VWA5B1: variants seen among roughly 807,000 people sequenced by gnomAD.
VWA5B1 encodes von Willebrand factor A domain-containing protein 5B1.
Under a neutral mutation model 118.2 loss-of-function variants are expected in VWA5B1, and 115 were observed. The observed-to-expected ratio is 0.97, with a 90% CI of 0.84 to 1.14. The LOEUF is 1.14. Ranked by LOEUF, VWA5B1 falls within the 50% of genes most tolerant of loss-of-function variation. The pLI, the probability that VWA5B1 is intolerant of heterozygous loss-of-function variation, is 0.00. For missense variants in VWA5B1, 1,596 were observed against 1,603.8 expected (o/e 1.00, Z 0.08); for synonymous variants, 682 against 658.4 (o/e 1.04, Z -0.55).
chr1:20,328,828 A>G (rs554534239), intron 9 of VWA5B1, among the ~76,000 whole-genome samples: 1 of 152,154 alleles, frequency 6.6e-6, no homozygotes, highest in Non-Finnish European at 1.5e-5. Context: ...AATTTTTTTT[A>G]AAAAATCTCC....
At chr1:20,351,056 G>T in intron 20 of VWA5B1, 130 bp downstream of exon 20, 1 of 837,432 alleles carries the variant, frequency 1.2e-6, no homozygotes. Flanking sequence ...TCGTAAAGAA[G>T]GCACTCCTGC....
intron 14 of VWA5B1, among the ~76,000 whole-genome samples, chr1:20,339,724 C>G (rs1248257549): frequency 1.3e-5 from 2 of 151,806 alleles, no homozygotes; most frequent in African/African-American, 2.4e-5. Flanking sequence ...AGGGTAGGGA[C>G]ACTGCAATCT....
At chr1:20,346,794 C>T (rs1483189014) in intron 17 of VWA5B1, among the ~76,000 whole-genome samples, 1 of 151,980 alleles carries the variant, frequency 6.6e-6, no homozygotes, top group African/African-American at 2.4e-5. Context: ...TTATGGTCAC[C>T]CCTCCCCTGC....
At chr1:20,347,752 C>G (rs896738470) in intron 17 of VWA5B1, among the ~76,000 whole-genome samples, 105 of 152,058 alleles carry the variant, frequency 6.9e-4, no homozygotes, top group African/African-American at 2.4e-3. Context: ...CATGAACCAC[C>G]CTGCCCAGCC....
chr1:20,308,843 C>T (rs2088751926), intron 1 of VWA5B1, among the ~76,000 whole-genome samples: 2 of 152,200 alleles, frequency 1.3e-5, no homozygotes, highest in African/African-American at 2.4e-5. Context: ...CAGGGGGAAA[C>T]AGTCCCTTCT....
chr1:20,314,372 G>A lies in VWA5B1; in HGVS notation c.343G>A (p.Gly115Arg). The change falls in exon 4 of 22, where the codon GGA becomes AGA. Residue 115 changes from glycine to arginine, a missense_variant. Gly to Arg is a moderately radical substitution (Grantham distance 125). Transcript: ENST00000289815. ...VSIAPHSCTPGKVTLDEDLER... is the reference protein window; with the variant it reads ...VSIAPHSCTPRKVTLDEDLER... ...CATAGCCCCTCATTCCTGCACACCG[G>A]GAAAGGTGACCTTGGACGAGGATTT... The A allele has an allele frequency of 6.4e-7, 1 of 1,552,014 alleles. No individual in the cohort carries two copies. Among genetic ancestry groups the A allele is most frequent in the Non-Finnish European group, 8.7e-7 (1 of 1,147,062 alleles).
At chr1:20,317,448 A>G in intron 4 of VWA5B1, 82 bp from the exon 5 acceptor site, 1 of 1,500,028 alleles carries the variant, frequency 6.7e-7, no homozygotes, top group African/African-American at 1.4e-5. Context: ...CCTGGAACTC[A>G]TCGTCCTCTC....
Position 20,291,165 on chromosome 1 carries a change from A to ACTGTGT in VWA5B1, c.-27+77_-27+78insCTGTGT, listed in dbSNP as rs1553192684. Reference sequence around the variant, plus strand: ...CTCTGGGTGGGCAAGGGCATGCATGAGTGTGTGTGTGTATGTGTGTGTGTG... The same window carrying ACTGTGT: ...CTCTGGGTGGGCAAGGGCATGCATGACTGTGTGTGTGTGTGTGTATGTGTGTGTGTG... On this transcript the variant is annotated intron_variant, in intron 1 of 21. Coordinates refer to ENST00000289815, the MANE Select transcript of VWA5B1 (RefSeq NM_001039500.3). 188 of 134,956 alleles carry ACTGTGT rather than the reference A, an allele frequency of 1.4e-3. 1 individual carries two copies. The highest frequency in any genetic ancestry group is 2.1e-3 in the Non-Finnish European group (141 of 66,644). The allele number at this position is 134,956 out of a possible 1,614,324, so 8.4% of individuals were successfully genotyped here. A position where few individuals can be genotyped will look rare whatever the true frequency, so the allele number is the denominator to read the frequency against.
chr1:20,321,047 G>A (rs1198734218), intron 7 of VWA5B1, among the ~76,000 whole-genome samples: 2 of 149,712 alleles, frequency 1.3e-5, no homozygotes, highest in African/African-American at 2.5e-5. Context: ...GTTTAGCAAG[G>A]AGAGGGTAGA....
In VWA5B1 at chr1:20,355,556, C is replaced by G. The variant is rs1226680951; in HGVS notation, c.*1293C>G. ...CTTCAAGGCCTTAATCTCTCCTCATCAAATTCCTGTCCCAACCTTGGAGTG... is the reference window on the plus strand; with the variant it reads ...CTTCAAGGCCTTAATCTCTCCTCATGAAATTCCTGTCCCAACCTTGGAGTG... On this transcript the variant is annotated 3_prime_UTR_variant, in exon 22 of 22. Coordinates refer to ENST00000289815, the MANE Select transcript of VWA5B1 (RefSeq NM_001039500.3). 6.6e-6 allele frequency among the ~76,000 whole-genome samples: 1 copy of G among 152,238 alleles called. No individual in the cohort carries two copies. The highest frequency in any genetic ancestry group is 1.5e-5 in the Non-Finnish European group (1 of 68,034).
intron 21 of VWA5B1, among the ~76,000 whole-genome samples, chr1:20,353,462 A>G (rs2090169022): frequency 6.6e-6 from 1 of 152,176 alleles, no homozygotes. Context: ...AGAAAGAGGA[A>G]GGTGAGCTGC....
In VWA5B1 at chr1:20,355,259, C is replaced by T. The variant is rs1312532464; in HGVS notation, c.*996C>T. Among the ~76,000 whole-genome samples, 1 of 152,198 alleles carries T rather than the reference C, an allele frequency of 6.6e-6. No individual in the cohort carries two copies. On this transcript the variant is annotated 3_prime_UTR_variant, in exon 22 of 22. Coordinates refer to ENST00000289815, the MANE Select transcript of VWA5B1 (RefSeq NM_001039500.3). Reference sequence around the variant, plus strand: ...TTGGCTGCAGTGCCTTTGGGGATGGCAGCTCTGGCCAGGGGAGGCCTGATT... The same window carrying T: ...TTGGCTGCAGTGCCTTTGGGGATGGTAGCTCTGGCCAGGGGAGGCCTGATT...
Position 20,300,393 on chromosome 1 carries a change from G to A in VWA5B1, c.-27+9305G>A, listed in dbSNP as rs530253376. ...GATGGGTGGCATGAATTCTCAAGGT[G>A]CACCTCCTCTTGTTGTTAGATAAAG... On this transcript the variant is annotated intron_variant, in intron 1 of 21. Coordinates refer to ENST00000289815, the MANE Select transcript of VWA5B1 (RefSeq NM_001039500.3). 4.6e-5 allele frequency among the ~76,000 whole-genome samples: 7 copies of A among 152,276 alleles called. No homozygotes were observed. In the South Asian group the frequency reaches 6.2e-4, roughly 14 times the overall value.
chr1:20,308,919 A>G (rs1213236651), intron 1 of VWA5B1, among the ~76,000 whole-genome samples: 2 of 152,166 alleles, frequency 1.3e-5, no homozygotes, highest in Non-Finnish European at 2.9e-5. Flanking sequence ...GCAGGCTACC[A>G]GCCCAGGGAA....
rs116705730 is a variant in VWA5B1, at chr1:20,353,777, C to T, written c.3162C>T (p.Ser1054=). The change falls in exon 22 of 22, where the codon TCC becomes TCT. Residue 1054 remains serine (S), a synonymous_variant. Transcript: ENST00000289815. ...YIPLVSLQLA[S]GAFLLNEAFC... is the part of the protein sequence containing the mutation. Reference sequence around the variant, plus strand: ...CACAGGTGTCTCTGCAGCTGGCCTCCGGAGCCTTCCTGCTCAACGAAGCCT... The same window carrying T: ...CACAGGTGTCTCTGCAGCTGGCCTCTGGAGCCTTCCTGCTCAACGAAGCCT... The T allele has an allele frequency of 4.5e-4, 662 of 1,462,804 alleles. 1 individual carries two copies. The African/African-American group carries it at 6.9e-3, about 15-fold the overall frequency. The allele number at this position is 1,462,804 out of a possible 1,614,324, so 90.6% of individuals were successfully genotyped here.
intron 12 of VWA5B1, among the ~76,000 whole-genome samples, chr1:20,335,252 C>T (rs948373075): frequency 6.6e-6 from 1 of 151,962 alleles, no homozygotes; most frequent in Admixed American, 6.5e-5. Flanking sequence ...GAGTTGGAGG[C>T]TGCAGTGAAC....
At chr1:20,311,737 G>A (rs371200196) in intron 2 of VWA5B1, among the ~76,000 whole-genome samples, 242 of 152,182 alleles carry the variant, frequency 1.6e-3, no homozygotes, top group African/African-American at 5.6e-3. Context: ...AACCTTTGGT[G>A]ACCAAACCTC....
chr1:20,314,278 A>C, intron 3 of VWA5B1, 44 bp from the exon 4 acceptor site: 1 of 1,536,568 alleles, frequency 6.5e-7, no homozygotes, highest in South Asian at 1.2e-5. Context: ...AGAGGGGATC[A>C]GAGATAATCT....
At chr1:20,293,055 G>A (rs181907588) in intron 1 of VWA5B1, among the ~76,000 whole-genome samples, 13 of 152,320 alleles carry the variant, frequency 8.5e-5, no homozygotes, top group East Asian at 7.7e-4. Context: ...AGACACTGGC[G>A]ATTAGGCTGT....
Sources: allele counts gnomAD v4.1 joint callset (sites outside exome capture counted in the v4.1 genomes callset), GRCh38; gene constraint gnomAD v4.1.1; transcripts MANE v1.5; gene names NCBI Gene and HGNC (gene_info 2026-07-23, HGNC 2026-07-21).